Variants in KPNA6 observed in about 807,000 individuals in gnomAD.
KPNA6 encodes the protein karyopherin subunit alpha 6.
In KPNA6, 9 loss-of-function variants were observed where a neutral mutation model predicts 72.0. The ratio of observed to expected loss-of-function variants is 0.13; its 90% CI spans 0.08 to 0.22. The LOEUF is 0.22. Among genes scored for constraint, KPNA6 ranks in the 10% least tolerant of loss-of-function variants. The pLI is 1.00. For missense variants in KPNA6, 374 were observed against 655.7 expected (o/e 0.57, Z 4.69); for synonymous variants, 219 against 242.1 (o/e 0.90, Z 0.89).
chr1:32,138,821 ACTACTGAGTGGGTCACTGGATTTAACAGT>A (rs1161650337), intron 1 of KPNA6, among the ~76,000 whole-genome samples: 2 of 152,112 alleles, frequency 1.3e-5, no homozygotes, highest in Non-Finnish European at 2.9e-5. Flanking sequence ...GAATGCAATG[ACTACTGAGTGGGTCACTGGATTTAACAGT>A]CTAAACTGGC....
intron 1 of KPNA6, among the ~76,000 whole-genome samples, chr1:32,124,067 ACAAAATTTTTAGGTTAAAAATTTTTAACC>A (rs1275375255): frequency 4.0e-5 from 6 of 151,290 alleles, no homozygotes; most frequent in Admixed American, 2.0e-4. Context: ...GAATGACTAA[ACAAAATTTTTAGGTTAAAAATTTTTAACC>A]CAAAATTTTT....
chr1:32,166,835 G>A (rs1642348860), intron 11 of KPNA6, among the ~76,000 whole-genome samples: 1 of 151,720 alleles, frequency 6.6e-6, no homozygotes. Context: ...CTAGTCGGGA[G>A]GCTGAGGCAG....
At position 32,157,197 on chromosome 1, in the gene KPNA6, C is replaced by T. The variant is rs373854701; in HGVS notation, c.232-149C>T. On this transcript the variant is annotated intron_variant, in intron 3 of 13. Transcript: ENST00000373625. ...TTTCAAATGTCCCAACTTGAAGCAC[C>T]TATAGATTAAACAGACCCCTTCTCC... is the stretch of plus-strand genomic sequence containing the variant. 3 of 637,334 alleles carry T rather than the reference C, an allele frequency of 4.7e-6. No individual in the cohort carries two copies. In the African/African-American group the frequency reaches 5.5e-5, roughly 12 times the overall value. The allele number at this position is 637,334 out of a possible 1,614,324, so 39.5% of individuals were successfully genotyped here.
intron 10 of KPNA6, among the ~76,000 whole-genome samples, chr1:32,165,149 C>T (rs1186430237): frequency 1.3e-5 from 2 of 152,182 alleles, no homozygotes; most frequent in Non-Finnish European, 2.9e-5. Flanking sequence ...TTAAGCAATC[C>T]TCCCACCTTG....
rs1000082384 is a variant in KPNA6, at chr1:32,138,076, G to A, written c.5-16512G>A. The stretch of plus-strand genomic sequence containing the variant: ...CATCAACCCGGGAGGCAGAGGTTGC[G>A]ATGAGCCAAGATCGTGCCACTGCAC... On this transcript the variant is annotated intron_variant, in intron 1 of 13. Transcript: ENST00000373625. Among the ~76,000 whole-genome samples, 5 of 150,130 alleles carry A rather than the reference G, an allele frequency of 3.3e-5. No homozygotes were observed. The East Asian group carries it at 7.8e-4, about 23-fold the overall frequency.
At chr1:32,114,625 A>C (rs780593763) in intron 1 of KPNA6, among the ~76,000 whole-genome samples, 1 of 152,106 alleles carries the variant, frequency 6.6e-6, no homozygotes, top group African/African-American at 2.4e-5. Context: ...CCCCAGCTGC[A>C]TTAGCCCATA....
At chr1:32,123,306 A>G (rs1358401803) in intron 1 of KPNA6, among the ~76,000 whole-genome samples, 2 of 152,104 alleles carry the variant, frequency 1.3e-5, no homozygotes, top group African/African-American at 4.8e-5. Context: ...GAAACTTTTT[A>G]GACCTTTTTT....
chr1:32,170,603 T>A, intron 13 of KPNA6, 104 bp from the exon 14 acceptor site: 1 of 884,612 alleles, frequency 1.1e-6, no homozygotes, highest in Non-Finnish European at 1.8e-6. Flanking sequence ...ATGACTTGTG[T>A]TTGTAAGCAC....
At chr1:32,158,196 C>A in intron 4 of KPNA6, 71 bp from the exon 5 acceptor site, 2 of 955,758 alleles carry the variant, frequency 2.1e-6, no homozygotes, top group Non-Finnish European at 3.3e-6. Flanking sequence ...AGAAGGATTG[C>A]AAGCTGACCC....
intron 1 of KPNA6, among the ~76,000 whole-genome samples, chr1:32,149,059 CT>C (rs1176397651): frequency 6.6e-6 from 1 of 152,124 alleles, no homozygotes; most frequent in East Asian, 1.9e-4. Flanking sequence ...ATTCTTTATT[CT>C]TTCTGCTCCT....
intron 1 of KPNA6, among the ~76,000 whole-genome samples, chr1:32,118,247 A>G (rs1641361502): frequency 6.6e-6 from 1 of 151,910 alleles, no homozygotes; most frequent in Non-Finnish European, 1.5e-5. Context: ...TTCAAGATAT[A>G]CTTTAAATAC....
intron 1 of KPNA6, among the ~76,000 whole-genome samples, chr1:32,109,963 A>G (rs1225926450): frequency 1.3e-5 from 2 of 151,544 alleles, no homozygotes; most frequent in Admixed American, 6.6e-5. Flanking sequence ...CCACTTTGAA[A>G]TCCTTTTTCT....
chr1:32,159,559 T>C, intron 6 of KPNA6, 28 bp downstream of exon 6: 1 of 1,608,600 alleles, frequency 6.2e-7, no homozygotes, highest in Non-Finnish European at 8.5e-7. Flanking sequence ...TGTGATTCTT[T>C]ATAGTACCTG....
intron 1 of KPNA6, among the ~76,000 whole-genome samples, chr1:32,139,160 C>T (rs1055799846): frequency 6.6e-5 from 10 of 152,220 alleles, no homozygotes; most frequent in Admixed American, 2.6e-4. Context: ...GTGATTCACT[C>T]GACAAATATT....
At chr1:32,158,547 A>G (rs1277991851) in intron 5 of KPNA6, among the ~76,000 whole-genome samples, 186 bp downstream of exon 5, 1 of 152,214 alleles carries the variant, frequency 6.6e-6, no homozygotes, top group African/African-American at 2.4e-5. Context: ...CAATCCAATT[A>G]TACACTTTAA....
In KPNA6 at chr1:32,171,003, C is replaced by G. The variant is rs937190488; in HGVS notation, c.*109C>G. On this transcript the variant is annotated 3_prime_UTR_variant, in exon 14 of 14. Transcript: ENST00000373625. ...CCCCACCATCAGCCACCACACACCT[C>G]TGCTGCCCTGGAGACTGTGCTCTTG... 2 of 937,166 alleles carry G rather than the reference C, an allele frequency of 2.1e-6. No individual in the cohort carries two copies. Among genetic ancestry groups the G allele is most frequent in the African/African-American group, 3.3e-5 (2 of 61,514 alleles). 58.1% of individuals were successfully genotyped at this position (937,166 alleles called of 1,614,324 possible).
intron 1 of KPNA6, among the ~76,000 whole-genome samples, chr1:32,131,961 A>ATTTAT (rs1641646045): frequency 6.6e-6 from 1 of 150,696 alleles, no homozygotes; most frequent in Admixed American, 6.6e-5. Context: ...TTTTATATTT[A>ATTTAT]TTTATTTATT....
chr1:32,170,926 A>G lies in KPNA6; in HGVS notation c.*32A>G, dbSNP rs375066203. 1 of 1,597,718 alleles carries G rather than the reference A, an allele frequency of 6.3e-7. No individual in the cohort carries two copies. Among genetic ancestry groups the G allele is most frequent in the East Asian group, 2.2e-5 (1 of 44,778 alleles). On this transcript the variant is annotated 3_prime_UTR_variant, in exon 14 of 14. Transcript: ENST00000373625. ...CCTCCAGGGAGGGGAGGGGATGGGA[A>G]GCACCACCAGCCAGCGGAAGAGCAG...
chr1:32,148,698 A>T (rs1169278251), intron 1 of KPNA6, among the ~76,000 whole-genome samples: 1 of 148,782 alleles, frequency 6.7e-6, no homozygotes, highest in East Asian at 2.0e-4. Context: ...CTGGGATTAC[A>T]GGCGCACGCC....
Sources: allele counts gnomAD v4.1 joint callset (sites outside exome capture counted in the v4.1 genomes callset), GRCh38; gene constraint gnomAD v4.1.1; transcripts MANE v1.5; gene names NCBI Gene and HGNC (gene_info 2026-07-23, HGNC 2026-07-21).